The following HECW2 variants were observed in gnomAD, a reference collection of about 807,000 sequenced individuals.
HECW2 encodes E3 ubiquitin-protein ligase HECW2.
HECW2 carries 61 observed loss-of-function variants against 175.2 expected under a neutral mutation model. The observed-to-expected ratio is 0.35, with a 90% CI of 0.28 to 0.43. The LOEUF is 0.43. Among genes scored for constraint, HECW2 ranks in the 20% least tolerant of loss-of-function variants. HECW2 has a pLI of 1.00. For synonymous variants in HECW2, 671 were observed against 731.0 expected (o/e 0.92, Z 1.32); for missense variants, 1,524 against 2,000.5 (o/e 0.76, Z 4.54).
rs953998209 is a variant in HECW2, at chr2:196,198,247, T to TGTAA, written c.*3026_*3029dup. On this transcript the variant is annotated 3_prime_UTR_variant, in exon 29 of 29. Transcript: ENST00000644978. ...CCCTACACACTTTACACTCTCGTTG[T>TGTAA]GTAAGTGCATCCTGGCTTCAACACT... The TGTAA allele has an allele frequency of 6.6e-6, 1 of 152,198 alleles. No individual in the cohort carries two copies. The highest frequency in any genetic ancestry group is 1.5e-5 in the Non-Finnish European group (1 of 68,030). 9.4% of individuals were successfully genotyped at this position (152,198 alleles called of 1,614,324 possible).
chr2:196,521,108 T>C (rs760331095), intron 1 of HECW2, among the ~76,000 whole-genome samples: 5 of 151,958 alleles, frequency 3.3e-5, no homozygotes, highest in African/African-American at 4.8e-5. Flanking sequence ...TATCATTCCA[T>C]TTTACATGGG....
chr2:196,325,178 G>A, intron 5 of HECW2, 29 bp from the exon 6 acceptor site: 4 of 1,514,124 alleles, frequency 2.6e-6, no homozygotes, highest in Non-Finnish European at 3.6e-6. Context: ...AAGGAGGGAG[G>A]GACAAAGAGA....
At chr2:196,333,683 A>G (rs1692449908) in intron 4 of HECW2, among the ~76,000 whole-genome samples, 1 of 152,228 alleles carries the variant, frequency 6.6e-6, no homozygotes, top group Non-Finnish European at 1.5e-5. Flanking sequence ...CCACCCATAT[A>G]CAGTGTAGCT....
Position 196,589,148 on chromosome 2 carries a change from A to G in HECW2, c.-36+4360T>C, listed in dbSNP as rs537039782. Reference sequence around the variant, plus strand: ...CAGGAGGCGGAGGATGCGGTGAGCCAAGATTGCACCACTGCACTCCAGTCT... The same window carrying G: ...CAGGAGGCGGAGGATGCGGTGAGCCGAGATTGCACCACTGCACTCCAGTCT... On this transcript the variant is annotated intron_variant, in intron 1 of 28. Transcript: ENST00000644978. Among the ~76,000 whole-genome samples, 159 of 152,304 alleles carry G rather than the reference A, an allele frequency of 1.0e-3. 1 individual carries two copies. The highest frequency in any genetic ancestry group is 1.5e-3 in the Non-Finnish European group (102 of 68,032).
At chr2:196,320,066 G>T in intron 8 of HECW2, 162 bp from the exon 9 acceptor site, 1 of 745,238 alleles carries the variant, frequency 1.3e-6, no homozygotes, top group Non-Finnish European at 2.1e-6. Context: ...TGAGGAGACT[G>T]CTAGTCAGCT....
In HECW2 at chr2:196,257,842, C is replaced by A; in HGVS notation, c.3400G>T (p.Asp1134Tyr). 6.2e-7 allele frequency: 1 copy of A among 1,613,762 alleles called. No homozygotes were observed. The highest frequency in any genetic ancestry group is 8.5e-7 in the Non-Finnish European group (1 of 1,179,668). ...PGLVRLSSDA[D>Y]LVMLLSLFEE... Reference sequence around the variant, plus strand: ...ATGTACCTCAGCAACATAACAAGGTCTGCATCGCTTGAAAGGCGCACCAAT... The same window carrying A: ...ATGTACCTCAGCAACATAACAAGGTATGCATCGCTTGAAAGGCGCACCAAT... Residue 1134 changes from aspartate to tyrosine, a missense_variant, in exon 18 of 29, where the codon GAC becomes TAC. This residue lies in a region of HECW2 where 291 missense variants were observed against 412.2 expected (regional missense o/e 0.71). Coordinates refer to ENST00000644978, the MANE Select transcript of HECW2 (RefSeq NM_001348768.2).
intron 2 of HECW2, among the ~76,000 whole-genome samples, chr2:196,426,453 G>T (rs1251093843): frequency 6.6e-6 from 1 of 151,878 alleles, no homozygotes; most frequent in Non-Finnish European, 1.5e-5. Flanking sequence ...TAGGTGTGGG[G>T]TGATATCTCA....
intron 1 of HECW2, among the ~76,000 whole-genome samples, chr2:196,470,739 T>C (rs188021580): frequency 8.0e-4 from 122 of 152,204 alleles, no homozygotes; most frequent in South Asian, 4.1e-4. Context: ...TGTGGAGAAA[T>C]AGACCCATTG....
chr2:196,340,773 T>C (rs1692722023), intron 3 of HECW2, among the ~76,000 whole-genome samples: 1 of 152,120 alleles, frequency 6.6e-6, no homozygotes, highest in South Asian at 2.1e-4. Flanking sequence ...AGAATCTTTC[T>C]GAAATTCCTA....
chr2:196,401,667 G>A (rs549119198), intron 2 of HECW2, among the ~76,000 whole-genome samples: 9 of 152,162 alleles, frequency 5.9e-5, no homozygotes, highest in Admixed American at 5.2e-4. Flanking sequence ...TGAATACACA[G>A]TCAGGGTATA....
chr2:196,293,117 C>T (rs75771627), intron 13 of HECW2, among the ~76,000 whole-genome samples: 143 of 152,252 alleles, frequency 9.4e-4, no homozygotes, highest in African/African-American at 3.1e-3. Flanking sequence ...AAGCCCAGCA[C>T]GCATTAGCTA....
chr2:196,216,708 C>G (rs1687488753), intron 27 of HECW2, among the ~76,000 whole-genome samples: 1 of 151,996 alleles, frequency 6.6e-6, no homozygotes, highest in Non-Finnish European at 1.5e-5. Flanking sequence ...CTTTGGGTAC[C>G]CTGGGTGCTT....
intron 1 of HECW2, among the ~76,000 whole-genome samples, chr2:196,556,552 A>G (rs1271232468): frequency 2.0e-5 from 3 of 152,146 alleles, no homozygotes; most frequent in African/African-American, 7.2e-5. Context: ...TGTGCCTGGC[A>G]TATTTCACTT....
intron 2 of HECW2, among the ~76,000 whole-genome samples, chr2:196,391,574 T>C (rs1243907041): frequency 6.6e-6 from 1 of 152,216 alleles, no homozygotes; most frequent in Non-Finnish European, 1.5e-5. Flanking sequence ...CCCATAGTTT[T>C]TCTACTTTTC....
intron 21 of HECW2, among the ~76,000 whole-genome samples, chr2:196,236,017 TAAAG>T: frequency 1.3e-5 from 2 of 152,246 alleles, no homozygotes; most frequent in Middle Eastern, 6.8e-3. Flanking sequence ...CTACTGTAAA[TAAAG>T]ACTTTGATGG....
At chr2:196,448,791 C>T (rs998699105) in intron 1 of HECW2, among the ~76,000 whole-genome samples, 1 of 152,190 alleles carries the variant, frequency 6.6e-6, no homozygotes, top group Non-Finnish European at 1.5e-5. Flanking sequence ...TCCATGGACC[C>T]TGACAACTCG....
chr2:196,384,508 G>C (rs754153210), intron 2 of HECW2, among the ~76,000 whole-genome samples: 7 of 152,094 alleles, frequency 4.6e-5, no homozygotes, highest in Non-Finnish European at 8.8e-5. Flanking sequence ...CTTGAGCCCG[G>C]GAGGCAGATG....
At chr2:196,240,767 T>TAAAC (rs33982239) in intron 20 of HECW2, among the ~76,000 whole-genome samples, 2 of 30,090 alleles carry the variant, frequency 6.6e-5, no homozygotes, top group Non-Finnish European at 2.5e-4. Context: ...GAATCATTGG[T>TAAAC]AGAGTACCCT....
intron 4 of HECW2, among the ~76,000 whole-genome samples, chr2:196,332,100 T>C (rs562168653): frequency 1.1e-4 from 17 of 151,124 alleles, no homozygotes; most frequent in African/African-American, 2.7e-4. Context: ...AGGTCCCCCT[T>C]TTTTTTTTAA....
Sources: allele counts gnomAD v4.1 joint callset (sites outside exome capture counted in the v4.1 genomes callset), GRCh38; gene constraint gnomAD v4.1.1; regional missense constraint gnomAD v4.1.1; transcripts MANE v1.5; gene names NCBI Gene and HGNC (gene_info 2026-07-23, HGNC 2026-07-21).